MYO1D: variants seen among roughly 807,000 people sequenced by gnomAD.
MYO1D encodes the protein myosin ID.
MYO1D carries 83 observed loss-of-function variants against 122.0 expected under a neutral mutation model. That is an observed-to-expected ratio of 0.68 (90% confidence interval 0.57 to 0.82). The LOEUF (loss-of-function observed/expected upper bound fraction) is 0.82. Among genes scored for constraint, MYO1D ranks in the 40% least tolerant of loss-of-function variants. The pLI is 0.00. For synonymous variants in MYO1D, 464 were observed against 446.9 expected (o/e 1.04, Z -0.48); for missense variants, 1,157 against 1,269.5 (o/e 0.91, Z 1.35).
At chr17:32,554,089 C>CA (rs1175300194) in intron 21 of MYO1D, among the ~76,000 whole-genome samples, 2 of 152,184 alleles carry the variant, frequency 1.3e-5, no homozygotes, top group Non-Finnish European at 2.9e-5. Context: ...TTACTCTGCT[C>CA]ATCACCTACA....
intron 21 of MYO1D, among the ~76,000 whole-genome samples, chr17:32,601,723 G>A (rs1253046602): frequency 6.6e-6 from 1 of 152,136 alleles, no homozygotes; most frequent in African/African-American, 2.4e-5. Context: ...AGGAAAAATG[G>A]TGCTAATAGA....
chr17:32,598,370 T>C (rs117542626), intron 21 of MYO1D, among the ~76,000 whole-genome samples: 7,977 of 152,276 alleles, frequency 0.052, 243 homozygotes, highest in East Asian at 0.15. Context: ...CAAGACTCTG[T>C]TTCAAAAAAG....
chr17:32,560,379 T>C (rs541851427), intron 21 of MYO1D, among the ~76,000 whole-genome samples: 1 of 151,516 alleles, frequency 6.6e-6, no homozygotes, highest in South Asian at 2.1e-4. Context: ...CATATGACTA[T>C]GGCAGGTTAT....
chr17:32,543,225 C>CAA (rs11410173), intron 21 of MYO1D, among the ~76,000 whole-genome samples: 106 of 148,018 alleles, frequency 7.2e-4, no homozygotes, highest in Middle Eastern at 3.4e-3. Flanking sequence ...GACTCTGTCT[C>CAA]AAAAAAAAAT....
At position 32,760,632 on chromosome 17, in the gene MYO1D, A is replaced by G. The variant is rs757474867; in HGVS notation, c.1036-5T>C. On this transcript the variant is annotated splice_polypyrimidine_tract_variant and splice_region_variant and intron_variant, in intron 8 of 21. Transcript: ENST00000318217. ...AAAAAGGCGCTCATATATTGCCTGCAAGGAAAATAGCATCATAAATGCTTG... is the reference window on the plus strand; with the variant it reads ...AAAAAGGCGCTCATATATTGCCTGCGAGGAAAATAGCATCATAAATGCTTG... 3.1e-5 allele frequency: 49 copies of G among 1,598,052 alleles called. No individual in the cohort carries two copies. The highest frequency in any genetic ancestry group is 1.1e-4 in the East Asian group (5 of 44,686).
In MYO1D at chr17:32,508,949, TA is replaced by T. The variant is rs760030844; in HGVS notation, c.2865-14035del. Among the ~76,000 whole-genome samples, 4 of 152,328 alleles carry T rather than the reference TA, an allele frequency of 2.6e-5. No individual in the cohort carries two copies. In the East Asian group the frequency reaches 5.8e-4, roughly 22 times the overall value. On this transcript the variant is annotated intron_variant, in intron 21 of 21. Coordinates refer to ENST00000318217, the MANE Select transcript of MYO1D (RefSeq NM_015194.3). ...TCCTCGTGCAGTGTCTGATACAAAA[TA>T]GGAGTTCCATAAATGTCTATAGAAA... is the stretch of plus-strand genomic sequence containing the variant.
intron 16 of MYO1D, among the ~76,000 whole-genome samples, chr17:32,705,073 C>T (rs372576465): frequency 3.6e-4 from 54 of 152,110 alleles, no homozygotes; most frequent in African/African-American, 1.2e-3. Flanking sequence ...CTTACAATAT[C>T]AAATACACGA....
At chr17:32,723,837 T>C (rs529928690) in intron 14 of MYO1D, among the ~76,000 whole-genome samples, 4 of 152,304 alleles carry the variant, frequency 2.6e-5, no homozygotes, top group African/African-American at 9.6e-5. Context: ...AACCATTATT[T>C]TAAGCACTAT....
chr17:32,670,339 G>T (rs2088697580), intron 16 of MYO1D, among the ~76,000 whole-genome samples: 1 of 152,120 alleles, frequency 6.6e-6, no homozygotes, highest in Non-Finnish European at 1.5e-5. Context: ...TAGGGGTAAA[G>T]GGTATTACAT....
rs200877741 is a variant in MYO1D at position 32,778,582 on chromosome 17, A to T, written c.305-9T>A. On this transcript the variant is annotated splice_polypyrimidine_tract_variant and intron_variant, in intron 2 of 21. Coordinates refer to ENST00000318217, the MANE Select transcript of MYO1D (RefSeq NM_015194.3). ...ACCAGCTCCACTTTCCCCTGGGGGG[A>T]AAAATTGTTCAGGGCTTAACATAAT... The T allele has an allele frequency of 2.8e-5, 45 of 1,604,314 alleles. No homozygotes were observed. Among genetic ancestry groups the T allele is most frequent in the African/African-American group, 4.0e-5 (3 of 74,682 alleles).
intron 1 of MYO1D, among the ~76,000 whole-genome samples, chr17:32,832,516 T>A (rs1049732223): frequency 6.6e-6 from 1 of 152,112 alleles, no homozygotes; most frequent in Non-Finnish European, 1.5e-5. Context: ...GCCAGGATGG[T>A]CTCGATCTCC....
intron 1 of MYO1D, among the ~76,000 whole-genome samples, chr17:32,850,761 C>G (rs1390887021): frequency 6.6e-6 from 1 of 152,122 alleles, no homozygotes; most frequent in East Asian, 1.9e-4. Flanking sequence ...TAAAATTTAA[C>G]TACAAGCATT....
chr17:32,827,616 AT>A (rs917473395), intron 1 of MYO1D, among the ~76,000 whole-genome samples: 5 of 152,350 alleles, frequency 3.3e-5, no homozygotes, highest in East Asian at 1.9e-4. Flanking sequence ...TTTGTAAAAA[AT>A]GTTTGTATTT....
chr17:32,596,228 A>T (rs751104509), intron 21 of MYO1D, among the ~76,000 whole-genome samples: 4 of 152,244 alleles, frequency 2.6e-5, no homozygotes, highest in Non-Finnish European at 5.9e-5. Flanking sequence ...TATGGAATAT[A>T]AACTATTAAA....
At chr17:32,612,171 TATAGA>T (rs1408458792) in intron 20 of MYO1D, among the ~76,000 whole-genome samples, 1 of 152,190 alleles carries the variant, frequency 6.6e-6, no homozygotes, top group Non-Finnish European at 1.5e-5. Flanking sequence ...GACGAGGGGT[TATAGA>T]TTTAAGCAAA....
At position 32,712,249 on chromosome 17, in the gene MYO1D, T is replaced by C. The variant is rs9913989; in HGVS notation, c.1914-54A>G. 10,525 of 1,474,642 alleles carry C rather than the reference T, an allele frequency of 7.1e-3. 589 individuals carry two copies. In the African/African-American group the frequency reaches 0.13, roughly 18 times the overall value. 91.3% of individuals were successfully genotyped at this position (1,474,642 alleles called of 1,614,324 possible). A position where few individuals can be genotyped will look rare whatever the true frequency, so the allele number is the denominator to read the frequency against. On this transcript the variant is annotated intron_variant, in intron 15 of 21. Coordinates refer to ENST00000318217, the MANE Select transcript of MYO1D (RefSeq NM_015194.3). ...GGAGAAAACCATATGGTCATCTCAATAGAAAACTATTCAATAAAATGCAAG... is the reference window on the plus strand; with the variant it reads ...GGAGAAAACCATATGGTCATCTCAACAGAAAACTATTCAATAAAATGCAAG...
intron 21 of MYO1D, among the ~76,000 whole-genome samples, chr17:32,551,834 G>A (rs1040266566): frequency 7.2e-5 from 11 of 152,034 alleles, no homozygotes; most frequent in Admixed American, 6.6e-5. Context: ...GCACATTGTT[G>A]GTACTCAATA....
Position 32,760,590 on chromosome 17 carries a change from C to A in MYO1D, c.1073G>T (p.Arg358Leu), listed in dbSNP as rs560620599. The change falls in exon 9 of 22, where the codon CGC (arginine) becomes CTC (leucine). Residue 358 changes from arginine (R) to leucine (L), a missense_variant. By Grantham distance (102) the Arg-to-Leu change is moderately radical. Coordinates refer to ENST00000318217, the MANE Select transcript of MYO1D (RefSeq NM_015194.3). ...CTTGACCTCAATAATATCATTGATG[C>A]GAGTAACGATCCAACAAAAAAGGCG... The part of the protein sequence containing the change: ...YERLFCWIVT[R>L]INDIIEVKNY... The A allele has an allele frequency of 4.3e-6, 7 of 1,611,736 alleles. No homozygotes were observed. The highest frequency in any genetic ancestry group is 5.9e-6 in the Non-Finnish European group (7 of 1,179,048).
intron 21 of MYO1D, 101 bp from the exon 22 acceptor site, chr17:32,495,016 C>A: frequency 7.3e-7 from 1 of 1,370,988 alleles, no homozygotes; most frequent in Non-Finnish European, 9.9e-7. Context: ...GCGCAGCCTG[C>A]TTCCTCCACA....
Sources: allele counts gnomAD v4.1 joint callset (sites outside exome capture counted in the v4.1 genomes callset), GRCh38; gene constraint gnomAD v4.1.1; transcripts MANE v1.5; gene names NCBI Gene and HGNC (gene_info 2026-07-23, HGNC 2026-07-21).